The following FRYL variants were observed in gnomAD, a reference collection of about 807,000 sequenced individuals.
FRYL encodes the protein FRY like transcription coactivator.
A neutral mutation model predicts 351.2 loss-of-function variants in FRYL; 150 were observed. That is an observed-to-expected ratio of 0.43 (90% confidence interval 0.37 to 0.49). The LOEUF (loss-of-function observed/expected upper bound fraction) is 0.49, where lower values mean the gene tolerates loss of function less well. FRYL is among the 20% of genes least tolerant of loss of function. The probability of loss-of-function intolerance (pLI) is 0.00; values close to 1 mark genes in which losing one functional copy is unlikely to be tolerated. For synonymous variants in FRYL, 1,153 were observed against 1,257.1 expected (o/e 0.92, Z 1.75); for missense variants, 3,036 against 3,619.3 (o/e 0.84, Z 4.13).
intron 55 of FRYL, among the ~76,000 whole-genome samples, chr4:48,520,026 C>A (rs115708011): frequency 1.1e-3 from 163 of 152,254 alleles, no homozygotes; most frequent in African/African-American, 3.7e-3. Context: ...CCACAGTGCC[C>A]GGCCTGAAAT....
At chr4:48,709,340 G>T (rs1560295807) in intron 2 of FRYL, among the ~76,000 whole-genome samples, 1 of 152,162 alleles carries the variant, frequency 6.6e-6, no homozygotes, top group Admixed American at 6.5e-5. Context: ...GAAGCATAAT[G>T]AGAGCCACTA....
intron 18 of FRYL, among the ~76,000 whole-genome samples, chr4:48,589,136 C>A (rs1305231084): frequency 6.6e-6 from 1 of 152,100 alleles, no homozygotes; most frequent in Non-Finnish European, 1.5e-5. Flanking sequence ...AATCTCCTCC[C>A]TTACAGAGAA....
intron 27 of FRYL, 115 bp downstream of exon 27, chr4:48,570,712 T>C (rs1170226892): frequency 1.4e-6 from 1 of 696,452 alleles, no homozygotes. Flanking sequence ...CAGTGATACA[T>C]ACAGGTTTTC....
chr4:48,652,998 C>A (rs1156606089), intron 3 of FRYL, among the ~76,000 whole-genome samples: 1 of 152,054 alleles, frequency 6.6e-6, no homozygotes, highest in Non-Finnish European at 1.5e-5. Context: ...TATTATGATA[C>A]TTTTGGCAAA....
At chr4:48,673,862 A>T (rs747607375) in intron 3 of FRYL, among the ~76,000 whole-genome samples, 1 of 152,194 alleles carries the variant, frequency 6.6e-6, no homozygotes, top group African/African-American at 2.4e-5. Context: ...CGCTCAGCTT[A>T]TGTTCTATTT....
Position 48,573,186 on chromosome 4 carries a change from C to T in FRYL, c.2904G>A (p.Glu968=). The T allele has an allele frequency of 6.2e-7, 1 of 1,611,002 alleles. No homozygotes were observed. Among genetic ancestry groups the T allele is most frequent in the Non-Finnish European group, 8.5e-7 (1 of 1,177,290 alleles). ...TACAAGGCTGCAGAACACAGCTCAC[C>T]TCTGGCCTTCTTTCGAGTGCTTCTT... is the stretch of plus-strand genomic sequence containing the variant. ...IIKEALERRP[E]NMKRRRRRDI... The change falls in exon 26 of 64, where the codon GAG becomes GAA. Residue 968 remains glutamate (E), a splice_region_variant and synonymous_variant. Coordinates refer to ENST00000358350, the MANE Select transcript of FRYL (RefSeq NM_015030.2).
chr4:48,619,241 G>T, intron 7 of FRYL, 33 bp downstream of exon 7: 1 of 1,315,748 alleles, frequency 7.6e-7, no homozygotes, highest in Non-Finnish European at 1.1e-6. Context: ...AAAGAATAAG[G>T]AATACAGACT....
intron 4 of FRYL, among the ~76,000 whole-genome samples, chr4:48,632,069 A>T (rs1409445273): frequency 3.5e-5 from 1 of 28,338 alleles, no homozygotes; most frequent in African/African-American, 1.1e-4. Context: ...AAAAAAAAAA[A>T]AAAAAAAAAA....
intron 7 of FRYL, among the ~76,000 whole-genome samples, chr4:48,616,192 A>G (rs2149305505): frequency 6.6e-6 from 1 of 151,848 alleles, no homozygotes; most frequent in East Asian, 2.0e-4. Context: ...TGTGCTGCAC[A>G]TGTACCCCAG....
chr4:48,540,194 TAATTC>T, intron 46 of FRYL, 126 bp from the exon 47 acceptor site: 1 of 1,150,656 alleles, frequency 8.7e-7, no homozygotes, highest in South Asian at 1.6e-5. Context: ...TTCGATCTTC[TAATTC>T]TTTTTTGGCT....
intron 26 of FRYL, among the ~76,000 whole-genome samples, chr4:48,572,304 T>C (rs953019896): frequency 6.6e-6 from 1 of 152,230 alleles, no homozygotes; most frequent in Non-Finnish European, 1.5e-5. Flanking sequence ...AACTCTCAGA[T>C]GCCACAGGCA....
chr4:48,684,263 T>A (rs184650019), intron 3 of FRYL, among the ~76,000 whole-genome samples: 1 of 152,218 alleles, frequency 6.6e-6, no homozygotes, highest in African/African-American at 2.4e-5. Flanking sequence ...AAGGGAAATA[T>A]ACTCTCACAG....
At chr4:48,512,394 A>T (rs1722667188) in intron 57 of FRYL, 87 bp downstream of exon 57, 1 of 1,098,266 alleles carries the variant, frequency 9.1e-7, no homozygotes, top group Non-Finnish European at 1.3e-6. Context: ...TAGGAATATT[A>T]AAATCGGAGA....
intron 1 of FRYL, among the ~76,000 whole-genome samples, chr4:48,733,165 C>T (rs907331641): frequency 3.3e-5 from 5 of 151,720 alleles, no homozygotes; most frequent in African/African-American, 1.2e-4. Flanking sequence ...ATCCCAGCCA[C>T]TCGGGAGGCT....
At chr4:48,717,440 A>G (rs756291064) in intron 1 of FRYL, among the ~76,000 whole-genome samples, 1 of 151,578 alleles carries the variant, frequency 6.6e-6, no homozygotes, top group African/African-American at 2.4e-5. Context: ...GGTGGTGACT[A>G]TTAATGGGTA....
intron 1 of FRYL, among the ~76,000 whole-genome samples, chr4:48,774,607 G>A (rs1355236296): frequency 2.0e-5 from 3 of 151,498 alleles, no homozygotes; most frequent in South Asian, 2.1e-4. Context: ...GCACAGTGGC[G>A]TGATCTCGGC....
At chr4:48,510,718 C>A in intron 58 of FRYL, 117 bp downstream of exon 58, 1 of 799,914 alleles carries the variant, frequency 1.3e-6, no homozygotes, top group Non-Finnish European at 2.1e-6. Context: ...TATTTATAAT[C>A]ATGTTGAAAA....
intron 3 of FRYL, among the ~76,000 whole-genome samples, chr4:48,660,016 G>A (rs1227467850): frequency 1.3e-5 from 2 of 151,610 alleles, no homozygotes; most frequent in Non-Finnish European, 2.9e-5. Flanking sequence ...GGGCTCCTTG[G>A]AGAAATTCTA....
chr4:48,682,115 C>T (rs1194711077), intron 3 of FRYL, among the ~76,000 whole-genome samples: 4 of 152,136 alleles, frequency 2.6e-5, no homozygotes, highest in Non-Finnish European at 5.9e-5. Flanking sequence ...CTGAATGACA[C>T]ATAATAATTT....
Sources: gnomAD v4.1 joint callset for allele counts (sites outside exome capture counted in the v4.1 genomes callset) on GRCh38, gnomAD v4.1.1 for gene constraint, MANE v1.5 for transcripts, NCBI Gene and HGNC (gene_info 2026-07-23, HGNC 2026-07-21) for gene names.